Variants in CSMD1 observed in about 807,000 individuals in gnomAD.
The protein encoded by CSMD1 is CUB and sushi domain-containing protein 1.
In CSMD1, 213 loss-of-function variants were observed where a neutral mutation model predicts 417.5. That is an observed-to-expected ratio of 0.51 (90% CI 0.46 to 0.57). The LOEUF is 0.57. Among genes scored for constraint, CSMD1 ranks in the 20% least tolerant of loss-of-function variants. The pLI is 0.00. For synonymous variants in CSMD1, 2,862 were observed against 1,736.8 expected (o/e 1.65, Z -16.11); for missense variants, 6,923 against 4,529.7 (o/e 1.53, Z -15.17).
At chr8:4,130,582 C>A (rs1803038437) in intron 3 of CSMD1, among the ~76,000 whole-genome samples, 1 of 152,060 alleles carries the variant, frequency 6.6e-6, no homozygotes, top group Admixed American at 6.6e-5. Flanking sequence ...CTTATGTTTT[C>A]TAACTTGCAA....
At chr8:3,894,823 T>G (rs1336926979) in intron 5 of CSMD1, among the ~76,000 whole-genome samples, 4 of 152,236 alleles carry the variant, frequency 2.6e-5, no homozygotes, top group African/African-American at 9.6e-5. Context: ...TCAAATTCAC[T>G]GACAAGGGTT....
At chr8:3,486,348 T>C (rs1232388688) in intron 11 of CSMD1, among the ~76,000 whole-genome samples, 1 of 152,216 alleles carries the variant, frequency 6.6e-6, no homozygotes, top group Non-Finnish European at 1.5e-5. Context: ...TCAGGGATGG[T>C]GCACTGTAAA....
At chr8:4,116,372 A>T (rs1802147448) in intron 3 of CSMD1, among the ~76,000 whole-genome samples, 1 of 152,170 alleles carries the variant, frequency 6.6e-6, no homozygotes. Context: ...ACACTTGTCC[A>T]AACCCATGGA....
intron 2 of CSMD1, among the ~76,000 whole-genome samples, chr8:4,429,142 T>A (rs1206676288): frequency 6.6e-6 from 1 of 151,118 alleles, no homozygotes; most frequent in African/African-American, 2.4e-5. Context: ...AACTGATATA[T>A]AATTGGATTA....
chr8:3,842,439 G>C (rs532146746), intron 5 of CSMD1, among the ~76,000 whole-genome samples: 1 of 152,184 alleles, frequency 6.6e-6, no homozygotes, highest in East Asian at 1.9e-4. Context: ...ATTTTAAACA[G>C]ATGTTAAATG....
intron 5 of CSMD1, among the ~76,000 whole-genome samples, chr8:3,840,782 G>A (rs1027399007): frequency 2.5e-4 from 38 of 149,594 alleles, no homozygotes; most frequent in Non-Finnish European, 4.4e-4. Flanking sequence ...TGCAACGTCC[G>A]CCTCCTGGGT....
chr8:4,128,674 T>C (rs1174836416), intron 3 of CSMD1, among the ~76,000 whole-genome samples: 1 of 152,086 alleles, frequency 6.6e-6, no homozygotes, highest in East Asian at 1.9e-4. Flanking sequence ...CTTTCTTTCA[T>C]CCCATACCCC....
intron 1 of CSMD1, among the ~76,000 whole-genome samples, chr8:4,803,063 T>C (rs17432531): frequency 0.19 from 28,761 of 152,152 alleles, 2,872 homozygotes; most frequent in East Asian, 0.27. Context: ...AAAACAGATC[T>C]TGATATTGTG....
chr8:4,555,279 C>CA (rs1186969391), intron 2 of CSMD1, among the ~76,000 whole-genome samples: 18 of 151,784 alleles, frequency 1.2e-4, no homozygotes, highest in African/African-American at 3.4e-4. Flanking sequence ...GGGAAGATGC[C>CA]AGAAAAAAGA....
At chr8:3,429,734 G>T (rs546461788) in intron 12 of CSMD1, among the ~76,000 whole-genome samples, 16 of 152,228 alleles carry the variant, frequency 1.1e-4, no homozygotes, top group Middle Eastern at 3.4e-3. Flanking sequence ...GTTTTTCAGC[G>T]TAAAATTTTC....
chr8:4,660,905 C>G (rs12680893), intron 1 of CSMD1, among the ~76,000 whole-genome samples: 1 of 152,090 alleles, frequency 6.6e-6, no homozygotes, highest in Non-Finnish European at 1.5e-5. Flanking sequence ...CAAATTACAA[C>G]TACAATGAGA....
At chr8:4,136,623 C>T (rs572990493) in intron 3 of CSMD1, among the ~76,000 whole-genome samples, 16 of 152,298 alleles carry the variant, frequency 1.1e-4, no homozygotes, top group African/African-American at 3.6e-4. Context: ...GAATATATTT[C>T]CATAAAAATA....
At chr8:3,169,768 C>G (rs1416245669) in intron 37 of CSMD1, among the ~76,000 whole-genome samples, 2 of 152,150 alleles carry the variant, frequency 1.3e-5, no homozygotes, top group Non-Finnish European at 2.9e-5. Flanking sequence ...GGTTTCTTTT[C>G]AAATAGCATG....
chr8:3,071,040 T>G (rs1813291390), intron 49 of CSMD1, among the ~76,000 whole-genome samples: 1 of 152,194 alleles, frequency 6.6e-6, no homozygotes, highest in Non-Finnish European at 1.5e-5. Flanking sequence ...CATGTCACAC[T>G]GTCACAGGGC....
chr8:4,993,389 T>C (rs12543205), intron 1 of CSMD1, among the ~76,000 whole-genome samples: 1 of 151,558 alleles, frequency 6.6e-6, no homozygotes, highest in Non-Finnish European at 1.5e-5. Context: ...TCTCTCTCTC[T>C]CTGTCTCTCT....
In CSMD1 at chr8:4,212,748, A is replaced by ATTTTTT. The variant is rs1233118651; in HGVS notation, c.416-180650_416-180649insAAAAAA. On this transcript the variant is annotated intron_variant, in intron 3 of 69. Transcript: ENST00000635120. The stretch of plus-strand genomic sequence containing the variant: ...GTGAAAAGTTTACAACAGCGGCCTT[A>ATTTTTT]TTCTTTTTTTTTTTTTTTTTTTTTT... Among the ~76,000 whole-genome samples, 49 of 101,886 alleles carry ATTTTTT rather than the reference A, an allele frequency of 4.8e-4. No homozygotes were observed. The South Asian group carries it at 0.01, about 22-fold the overall frequency. The allele number at this position is 101,886 out of a possible 152,430, so 66.8% of individuals were successfully genotyped here. A position where few individuals can be genotyped will look rare whatever the true frequency, so the allele number is the denominator to read the frequency against.
intron 5 of CSMD1, among the ~76,000 whole-genome samples, chr8:3,844,115 A>G (rs2129095925): frequency 6.6e-6 from 1 of 152,314 alleles, no homozygotes; most frequent in Admixed American, 6.5e-5. Flanking sequence ...TTTTTATTAT[A>G]TACATAAGAA....
chr8:3,268,314 T>TC (rs1206208961), intron 26 of CSMD1, among the ~76,000 whole-genome samples: 10 of 119,918 alleles, frequency 8.3e-5, no homozygotes, highest in African/African-American at 1.7e-4. Flanking sequence ...TTTTTTTTTT[T>TC]GAGACGGAGT....
At chr8:4,472,550 C>A (rs1296893024) in intron 2 of CSMD1, among the ~76,000 whole-genome samples, 4 of 151,692 alleles carry the variant, frequency 2.6e-5, no homozygotes, top group Non-Finnish European at 5.9e-5. Context: ...GAATTATATT[C>A]CAAAGAATAG....
Sources: gnomAD v4.1 joint callset for allele counts (sites outside exome capture counted in the v4.1 genomes callset) on GRCh38, gnomAD v4.1.1 for gene constraint, MANE v1.5 for transcripts, NCBI Gene and HGNC (gene_info 2026-07-23, HGNC 2026-07-21) for gene names.